TBC1D23: variants seen among roughly 807,000 people sequenced by gnomAD.
The protein encoded by TBC1D23 is TBC1 domain family member 23, also known as HCV non-structural protein 4A-transactivated protein 1.
TBC1D23 carries 55 observed loss-of-function variants against 91.4 expected under a neutral mutation model. That is an observed-to-expected ratio of 0.60 (90% CI 0.48 to 0.75). The LOEUF (loss-of-function observed/expected upper bound fraction) is 0.75. Ranked by LOEUF, TBC1D23 falls within the 30% of genes least tolerant of loss-of-function variation. The probability of loss-of-function intolerance (pLI) is 0.00; values close to 1 mark genes in which losing one functional copy is unlikely to be tolerated. For missense variants in TBC1D23, 725 were observed against 836.1 expected, an observed-to-expected ratio of 0.87 and a Z score of 1.64; for synonymous variants, 289 against 281.0, an observed-to-expected ratio of 1.03 and a Z score of -0.28.
intron 17 of TBC1D23, among the ~76,000 whole-genome samples, 190 bp downstream of exon 17, chr3:100,319,394 T>C (rs1705810430): frequency 6.6e-6 from 1 of 152,088 alleles, no homozygotes; most frequent in Non-Finnish European, 1.5e-5. Flanking sequence ...TATACAAAAA[T>C]GTTGAAGGAA....
chr3:100,277,948 T>G (rs2067664092), intron 1 of TBC1D23, among the ~76,000 whole-genome samples: 1 of 152,248 alleles, frequency 6.6e-6, no homozygotes, highest in African/African-American at 2.4e-5. Context: ...GTGTGGTTAT[T>G]AGTTATCTTC....
chr3:100,269,918 G>T (rs1186641755), intron 1 of TBC1D23, among the ~76,000 whole-genome samples: 3 of 152,152 alleles, frequency 2.0e-5, no homozygotes, highest in Non-Finnish European at 4.4e-5. Context: ...GACTAATTAG[G>T]TATTCACTTT....
chr3:100,261,003 G>C lies in TBC1D23; in HGVS notation c.-16G>C. On this transcript the variant is annotated 5_prime_UTR_variant, in exon 1 of 19. Coordinates refer to ENST00000394144, the MANE Select transcript of TBC1D23 (RefSeq NM_001199198.3). ...CGGATCCACTTTTCGGCAAAGTGAC[G>C]TGGACGTCAACAGCAATGGCGGAAG... is the stretch of plus-strand genomic sequence containing the variant. 6.2e-7 allele frequency: 1 copy of C among 1,613,174 alleles called. No homozygotes were observed. The highest frequency in any genetic ancestry group is 8.5e-7 in the Non-Finnish European group (1 of 1,179,188).
chr3:100,290,446 A>G, intron 4 of TBC1D23, 132 bp from the exon 5 acceptor site: 1 of 782,018 alleles, frequency 1.3e-6, no homozygotes, highest in Non-Finnish European at 2.1e-6. Context: ...GGTATTAGCA[A>G]GAGACCTCTG....
chr3:100,321,866 GAATA>G (rs1472160974), intron 18 of TBC1D23, among the ~76,000 whole-genome samples: 17 of 149,320 alleles, frequency 1.1e-4, no homozygotes, highest in Non-Finnish European at 1.8e-4. Flanking sequence ...CTTTATGTAA[GAATA>G]AATATTTACA....
In TBC1D23 at chr3:100,323,675, A is replaced by G; in HGVS notation, c.*7A>G. On this transcript the variant is annotated 3_prime_UTR_variant, in exon 19 of 19. Transcript: ENST00000394144. ...GGATGCTTTGGAAAGTTAATATAAA[A>G]GAAAATTATATAAAAAGAAATTAAG... 1 of 1,434,540 alleles carries G rather than the reference A, an allele frequency of 7.0e-7. No individual in the cohort carries two copies. Among genetic ancestry groups the G allele is most frequent in the Non-Finnish European group, 9.4e-7 (1 of 1,068,184 alleles). 88.9% of individuals were successfully genotyped at this position (1,434,540 alleles called of 1,614,324 possible).
In TBC1D23 at chr3:100,316,310, G is replaced by C. The variant is rs188692508; in HGVS notation, c.1687+123G>C. The C allele has an allele frequency of 7.0e-6, 5 of 716,412 alleles. No homozygotes were observed. The South Asian group carries it at 8.4e-5, about 12-fold the overall frequency. 44.4% of individuals were successfully genotyped at this position (716,412 alleles called of 1,614,324 possible). A position where few individuals can be genotyped will look rare whatever the true frequency, so the allele number is the denominator to read the frequency against. ...ATGAGATTCTGTAGAAATAATTGGA[G>C]AATCTGTGGCTTTCTATTAAGAGTT... On this transcript the variant is annotated intron_variant, in intron 16 of 18. Coordinates refer to ENST00000394144, the MANE Select transcript of TBC1D23 (RefSeq NM_001199198.3).
rs2067696838 is a variant in TBC1D23 at position 100,281,762 on chromosome 3, A to G, written c.186A>G (p.Gly62=). 1.9e-6 allele frequency: 3 copies of G among 1,610,590 alleles called. No individual in the cohort carries two copies. The highest frequency in any genetic ancestry group is 2.5e-6 in the Non-Finnish European group (3 of 1,177,446). ...KVWKIALNVA[G]KGDSLASWDG... ...TCCAGATTGCTCTGAATGTTGCAGG[A>G]AAAGGTGATAGTTTGGCATCATGGG... Residue 62 remains glycine (G), a synonymous_variant, in exon 3 of 19, where the codon GGA becomes GGG. Transcript: ENST00000394144.
At chr3:100,273,188 A>G (rs2067615107) in intron 1 of TBC1D23, among the ~76,000 whole-genome samples, 1 of 152,180 alleles carries the variant, frequency 6.6e-6, no homozygotes, top group African/African-American at 2.4e-5. Context: ...GTCCCTGGGT[A>G]CTTGAGATTA....
intron 5 of TBC1D23, among the ~76,000 whole-genome samples, chr3:100,292,951 T>C (rs1489161977): frequency 1.3e-5 from 2 of 152,084 alleles, no homozygotes; most frequent in African/African-American, 2.4e-5. Flanking sequence ...AATCTACCTA[T>C]TTATGTTAAG....
chr3:100,308,064 T>C (rs1463511189), intron 13 of TBC1D23, among the ~76,000 whole-genome samples: 2 of 152,260 alleles, frequency 1.3e-5, no homozygotes, highest in African/African-American at 4.8e-5. Context: ...ATTTTAGAAA[T>C]TATCTTAAAG....
At chr3:100,321,046 T>A (rs1705849388) in intron 18 of TBC1D23, 75 bp downstream of exon 18, 2 of 1,141,880 alleles carry the variant, frequency 1.8e-6, no homozygotes, top group Non-Finnish European at 2.4e-6. Context: ...ATAAAGAGTT[T>A]GTTTCTTTAT....
At chr3:100,314,538 T>G (rs1705697481) in intron 15 of TBC1D23, among the ~76,000 whole-genome samples, 1 of 151,926 alleles carries the variant, frequency 6.6e-6, no homozygotes, top group Admixed American at 6.6e-5. Flanking sequence ...GAGGCTGAGG[T>G]GGGAGGATCA....
intron 15 of TBC1D23, among the ~76,000 whole-genome samples, chr3:100,314,906 G>A (rs1437159809): frequency 1.3e-5 from 2 of 152,152 alleles, no homozygotes; most frequent in Non-Finnish European, 1.5e-5. Flanking sequence ...AAAAGCTAGA[G>A]TCTTCCTTTG....
intron 1 of TBC1D23, among the ~76,000 whole-genome samples, chr3:100,274,007 TAC>T (rs1166891002): frequency 6.6e-6 from 1 of 152,190 alleles, no homozygotes; most frequent in Non-Finnish European, 1.5e-5. Flanking sequence ...TGTCTATAAA[TAC>T]ACACATGAGA....
chr3:100,311,941 C>A (rs1705632711), intron 15 of TBC1D23, 64 bp downstream of exon 15: 5 of 1,074,964 alleles, frequency 4.7e-6, no homozygotes, highest in Non-Finnish European at 6.9e-6. Context: ...TTCATGCCAT[C>A]TATAAGCCTC....
intron 1 of TBC1D23, 81 bp from the exon 2 acceptor site, chr3:100,279,568 T>C: frequency 1.1e-6 from 1 of 934,224 alleles, no homozygotes; most frequent in Non-Finnish European, 1.6e-6. Context: ...AAGCCTTTAA[T>C]AGGCCATGCT....
chr3:100,271,986 C>G (rs2067603549), intron 1 of TBC1D23, among the ~76,000 whole-genome samples: 1 of 152,178 alleles, frequency 6.6e-6, no homozygotes, highest in Admixed American at 6.5e-5. Context: ...CACATGAAGG[C>G]TTTTCTAACG....
chr3:100,285,443 A>G (rs1218193771), intron 4 of TBC1D23, among the ~76,000 whole-genome samples: 1 of 152,094 alleles, frequency 6.6e-6, no homozygotes, highest in Admixed American at 6.5e-5. Context: ...CAAATTTTTT[A>G]TTGTATGCGT....
Sources: gnomAD v4.1 joint callset for allele counts (sites outside exome capture counted in the v4.1 genomes callset) on GRCh38, gnomAD v4.1.1 for gene constraint, MANE v1.5 for transcripts, NCBI Gene and HGNC (gene_info 2026-07-23, HGNC 2026-07-21) for gene names.